Variants in NTN4 observed in about 807,000 individuals in gnomAD.
NTN4 encodes netrin-4.
In NTN4, 32 loss-of-function variants were observed where a neutral mutation model predicts 73.6. The observed-to-expected ratio is 0.44, with a 90% confidence interval of 0.33 to 0.58. NTN4 has a LOEUF of 0.58. Among genes scored for constraint, NTN4 ranks in the 20% least tolerant of loss-of-function variants. The pLI is 0.04. For missense variants in NTN4, 654 were observed against 798.3 expected (o/e 0.82, Z 2.18); for synonymous variants, 258 against 287.5 (o/e 0.90, Z 1.04).
chr12:95,759,145 C>T (rs186251767), intron 2 of NTN4, among the ~76,000 whole-genome samples: 9 of 152,232 alleles, frequency 5.9e-5, no homozygotes, highest in South Asian at 2.1e-4. Context: ...ATTGAATCAG[C>T]GTGGTAACTT....
chr12:95,784,739 C>G (rs2079155767), intron 2 of NTN4, among the ~76,000 whole-genome samples: 1 of 151,886 alleles, frequency 6.6e-6, no homozygotes, highest in Admixed American at 6.6e-5. Flanking sequence ...TGCACTCCAG[C>G]CTGGGTGACA....
chr12:95,670,459 A>G lies in NTN4; in HGVS notation c.1511-313T>C, dbSNP rs370157435. ...AATATTCCATGCTAACAGGAAGGAA[A>G]AACTGAATGGAAAACAATTGTCTTT... On this transcript the variant is annotated intron_variant, in intron 7 of 9. Coordinates refer to ENST00000343702, the MANE Select transcript of NTN4 (RefSeq NM_021229.4). The G allele has an allele frequency of 1.1e-3, 214 of 196,590 alleles. 3 individuals carry two copies. The South Asian group carries it at 0.039, about 36-fold the overall frequency. The allele number at this position is 196,590 out of a possible 1,614,324, so 12.2% of individuals were successfully genotyped here. A position where few individuals can be genotyped will look rare whatever the true frequency, so the allele number is the denominator to read the frequency against.
At chr12:95,687,900 G>A (rs2078373766) in intron 5 of NTN4, among the ~76,000 whole-genome samples, 1 of 152,148 alleles carries the variant, frequency 6.6e-6, no homozygotes, top group Non-Finnish European at 1.5e-5. Context: ...GGAATCCTAT[G>A]TGAAAGAGCC....
chr12:95,690,191 G>A (rs911086852), intron 5 of NTN4, among the ~76,000 whole-genome samples: 1 of 152,230 alleles, frequency 6.6e-6, no homozygotes, highest in African/African-American at 2.4e-5. Context: ...GAGGAAAACA[G>A]CATAGGAGAC....
chr12:95,727,775 T>G (rs550801546), intron 3 of NTN4, among the ~76,000 whole-genome samples: 1 of 152,320 alleles, frequency 6.6e-6, no homozygotes, highest in African/African-American at 2.4e-5. Flanking sequence ...TTTTGGCTAT[T>G]TGAGGTCCTT....
intron 2 of NTN4, among the ~76,000 whole-genome samples, chr12:95,742,387 A>C (rs949640436): frequency 6.6e-6 from 1 of 151,494 alleles, no homozygotes; most frequent in African/African-American, 2.4e-5. Flanking sequence ...AAAGCATGCT[A>C]TATGTCTTAT....
At chr12:95,786,105 T>C (rs1469185793) in intron 2 of NTN4, among the ~76,000 whole-genome samples, 4 of 152,228 alleles carry the variant, frequency 2.6e-5, no homozygotes, top group African/African-American at 9.6e-5. Flanking sequence ...TGTATATTCA[T>C]GACATGGACC....
chr12:95,659,705 A>G (rs1344870540), intron 9 of NTN4, among the ~76,000 whole-genome samples: 1 of 152,240 alleles, frequency 6.6e-6, no homozygotes, highest in Non-Finnish European at 1.5e-5. Context: ...CTTTACATGT[A>G]TGATCTCATT....
chr12:95,725,507 G>T (rs2078687037), intron 3 of NTN4, among the ~76,000 whole-genome samples: 1 of 152,086 alleles, frequency 6.6e-6, no homozygotes, highest in South Asian at 2.1e-4. Context: ...CTCTTACAAA[G>T]ATTTTTTTAA....
At chr12:95,659,850 C>T (rs2078122895) in intron 9 of NTN4, among the ~76,000 whole-genome samples, 1 of 152,178 alleles carries the variant, frequency 6.6e-6, no homozygotes. Flanking sequence ...GACTCAAACT[C>T]AGGTCATGCT....
At chr12:95,717,246 G>A (rs987703588) in intron 3 of NTN4, among the ~76,000 whole-genome samples, 1 of 152,128 alleles carries the variant, frequency 6.6e-6, no homozygotes, top group Non-Finnish European at 1.5e-5. Context: ...GAAGGCCTAA[G>A]GCCTATACGT....
At chr12:95,664,107 G>A (rs909217651) in intron 9 of NTN4, among the ~76,000 whole-genome samples, 5 of 152,006 alleles carry the variant, frequency 3.3e-5, no homozygotes, top group African/African-American at 1.2e-4. Flanking sequence ...AGGCTGGAGT[G>A]CAGTGGCTCA....
At position 95,790,438 on chromosome 12, in the gene NTN4, G is replaced by T. The variant is rs1358749124; in HGVS notation, c.-129C>A. ...CCTGGTTTCTTCCTCCTCCTGGGGC[G>T]CCGGGCTCGGTCAGCGGTCGCCGGC... On this transcript the variant is annotated 5_prime_UTR_variant, in exon 1 of 10. Transcript: ENST00000343702. The surrounding 1 kb of genome is among the most constrained non-coding windows in gnomAD (Gnocchi z 6.5). 35 of 760,818 alleles carry T rather than the reference G, an allele frequency of 4.6e-5. No individual in the cohort carries two copies. In the Admixed American group the frequency reaches 1.4e-3, roughly 30 times the overall value. The allele number at this position is 760,818 out of a possible 1,614,324, so 47.1% of individuals were successfully genotyped here.
At chr12:95,772,378 C>T (rs2079064012) in intron 2 of NTN4, among the ~76,000 whole-genome samples, 1 of 152,142 alleles carries the variant, frequency 6.6e-6, no homozygotes, top group Admixed American at 6.5e-5. Flanking sequence ...ATGGCAGCAT[C>T]AATGGACTAA....
intron 3 of NTN4, among the ~76,000 whole-genome samples, chr12:95,733,744 A>G (rs1390096627): frequency 6.6e-6 from 1 of 151,934 alleles, no homozygotes; most frequent in Non-Finnish European, 1.5e-5. Context: ...GGAGAAGGGG[A>G]AACATGGGGG....
chr12:95,751,662 C>T (rs187236564), intron 2 of NTN4, among the ~76,000 whole-genome samples: 1,729 of 152,128 alleles, frequency 0.011, 15 homozygotes, highest in Middle Eastern at 0.095. Flanking sequence ...CGACACTGCC[C>T]GATCACCTCG....
chr12:95,779,978 G>A (rs964464936), intron 2 of NTN4, among the ~76,000 whole-genome samples: 2 of 152,058 alleles, frequency 1.3e-5, no homozygotes, highest in Non-Finnish European at 2.9e-5. Flanking sequence ...CAGAACAGAG[G>A]CCTCAGAAAT....
intron 7 of NTN4, among the ~76,000 whole-genome samples, chr12:95,677,455 G>A (rs1219295607): frequency 6.6e-6 from 1 of 152,032 alleles, no homozygotes; most frequent in Non-Finnish European, 1.5e-5. Context: ...AACGTAGTGG[G>A]TAAGGGGACC....
At chr12:95,732,403 T>TC (rs1468414728) in intron 3 of NTN4, among the ~76,000 whole-genome samples, 3 of 147,858 alleles carry the variant, frequency 2.0e-5, no homozygotes, top group African/African-American at 7.5e-5. Flanking sequence ...CCTCTTTTTT[T>TC]TTTTTTTTTT....
Sources: gnomAD v4.1 joint callset for allele counts (sites outside exome capture counted in the v4.1 genomes callset) on GRCh38, gnomAD v4.1.1 for gene constraint, Gnocchi (gnomAD v3.1) non-coding constraint, MANE v1.5 for transcripts, NCBI Gene and HGNC (gene_info 2026-07-23, HGNC 2026-07-21) for gene names.